GRIA1: variants seen among roughly 807,000 people sequenced by gnomAD.
The protein encoded by GRIA1 is glutamate ionotropic receptor AMPA type subunit 1.
GRIA1 carries 31 observed loss-of-function variants against 99.2 expected under a neutral mutation model. The observed-to-expected ratio is 0.31, with a 90% CI of 0.23 to 0.42. The LOEUF is 0.42. Among genes scored for constraint, GRIA1 ranks in the 10% least tolerant of loss-of-function variants. The probability of loss-of-function intolerance (pLI) is 1.00; values close to 1 mark genes in which losing one functional copy is unlikely to be tolerated. For missense variants in GRIA1, 782 were observed against 1,157.5 expected (o/e 0.68, Z 4.71); for synonymous variants, 438 against 432.4 (o/e 1.01, Z -0.16).
At chr5:153,660,363 G>A (rs1039273261) in intron 5 of GRIA1, among the ~76,000 whole-genome samples, 8 of 152,172 alleles carry the variant, frequency 5.3e-5, no homozygotes, top group Non-Finnish European at 8.8e-5. Flanking sequence ...AGCCCTTGAG[G>A]TTGATATTAT....
chr5:153,617,896 A>C (rs1359972876), intron 2 of GRIA1, among the ~76,000 whole-genome samples: 1 of 152,148 alleles, frequency 6.6e-6, no homozygotes, highest in African/African-American at 2.4e-5. Flanking sequence ...CTCCACCTTC[A>C]AAACTCACAT....
intron 2 of GRIA1, among the ~76,000 whole-genome samples, chr5:153,564,509 A>C (rs1025290684): frequency 9.2e-5 from 14 of 152,212 alleles, no homozygotes; most frequent in African/African-American, 3.1e-4. Flanking sequence ...CACATGGAGC[A>C]CAATGGAGAA....
At chr5:153,508,949 G>A (rs1581149012) in intron 2 of GRIA1, among the ~76,000 whole-genome samples, 1 of 152,270 alleles carries the variant, frequency 6.6e-6, no homozygotes, top group East Asian at 1.9e-4. Context: ...GCTACAAAAA[G>A]ACCTGCTCTC....
intron 12 of GRIA1, among the ~76,000 whole-genome samples, chr5:153,767,636 G>T (rs1763604119): frequency 6.6e-6 from 1 of 152,152 alleles, no homozygotes; most frequent in South Asian, 2.1e-4. Context: ...AAGGCAAAAG[G>T]AGGGAATAGT....
In GRIA1 at chr5:153,698,093, C is replaced by A; in HGVS notation, c.1184C>A (p.Ala395Asp). 2 of 1,611,756 alleles carry A rather than the reference C, an allele frequency of 1.2e-6. No homozygotes were observed. Among genetic ancestry groups the A allele is most frequent in the Non-Finnish European group, 8.5e-7 (1 of 1,177,882 alleles). ...AAGTTTGTCCCTGCAGCCACCGATG[C>A]CCAAGCTGGGGGCGATAATTCAAGT... is the stretch of plus-strand genomic sequence containing the variant. ...DDKFVPAATD[A>D]QAGGDNSSVQ... The change falls in exon 9 of 16, where the codon GCC becomes GAC. Residue 395 changes from alanine to aspartate, a missense_variant. Around this residue, in one of 5 missense-constraint regions of GRIA1, gnomAD observed 461 missense variants for 521.7 expected, o/e 0.88. Coordinates refer to ENST00000285900, the MANE Select transcript of GRIA1 (RefSeq NM_000827.4).
At chr5:153,596,588 A>G (rs1764452032) in intron 2 of GRIA1, among the ~76,000 whole-genome samples, 1 of 151,940 alleles carries the variant, frequency 6.6e-6, no homozygotes, top group African/African-American at 2.4e-5. Flanking sequence ...AGCACTCCTG[A>G]CTCCAAATCC....
At chr5:153,690,290 T>C (rs1757652087) in intron 8 of GRIA1, among the ~76,000 whole-genome samples, 1 of 151,176 alleles carries the variant, frequency 6.6e-6, no homozygotes, top group African/African-American at 2.4e-5. Flanking sequence ...ATTTATAATA[T>C]AATTTACAAA....
At position 153,684,916 on chromosome 5, in the gene GRIA1, C is replaced by A. The variant is rs578182954; in HGVS notation, c.1030-1309C>A. On this transcript the variant is annotated intron_variant, in intron 7 of 15. Coordinates refer to ENST00000285900, the MANE Select transcript of GRIA1 (RefSeq NM_000827.4). ...TGACCTCCTCACTGAGACTTCAAAC[C>A]AGAAGGTGACAAGAGGGTCAACCTC... Among the ~76,000 whole-genome samples the A allele has an allele frequency of 5.9e-5, 9 of 152,206 alleles. No homozygotes were observed. In the South Asian group the frequency reaches 1.5e-3, roughly 25 times the overall value.
At chr5:153,732,270 T>A (rs1182636139) in intron 11 of GRIA1, among the ~76,000 whole-genome samples, 1 of 151,954 alleles carries the variant, frequency 6.6e-6, no homozygotes, top group Non-Finnish European at 1.5e-5. Flanking sequence ...GTGTATTTAG[T>A]TTTATTTTTA....
At chr5:153,744,020 G>A (rs1348858182) in intron 11 of GRIA1, among the ~76,000 whole-genome samples, 1 of 152,108 alleles carries the variant, frequency 6.6e-6, no homozygotes, top group Non-Finnish European at 1.5e-5. Context: ...TTTGAGAACT[G>A]GGGAAGAACA....
chr5:153,632,252 G>C (rs1490757973), intron 2 of GRIA1, among the ~76,000 whole-genome samples: 1 of 152,180 alleles, frequency 6.6e-6, no homozygotes, highest in Non-Finnish European at 1.5e-5. Context: ...GGTGAGCAGT[G>C]GCAGAGCCCT....
chr5:153,521,773 T>C lies in GRIA1; in HGVS notation c.220+27708T>C, dbSNP rs1757166773. ...GCATATTTTAGGCTCTATGCACTGTTGTGTGTCTTGCTGCTCTCATTACAC... is the reference window on the plus strand; with the variant it reads ...GCATATTTTAGGCTCTATGCACTGTCGTGTGTCTTGCTGCTCTCATTACAC... On this transcript the variant is annotated intron_variant, in intron 2 of 15. Transcript: ENST00000285900. Among the ~76,000 whole-genome samples, 3 of 152,226 alleles carry C rather than the reference T, an allele frequency of 2.0e-5. No homozygotes were observed. In the South Asian group the frequency reaches 6.2e-4, roughly 32 times the overall value.
At chr5:153,702,843 G>A (rs996509215) in intron 10 of GRIA1, among the ~76,000 whole-genome samples, 2 of 152,162 alleles carry the variant, frequency 1.3e-5, no homozygotes, top group Admixed American at 1.3e-4. Flanking sequence ...CATGTATTTT[G>A]AATTATCTTG....
chr5:153,733,825 A>C (rs1299676199), intron 11 of GRIA1, among the ~76,000 whole-genome samples: 1 of 152,190 alleles, frequency 6.6e-6, no homozygotes, highest in Non-Finnish European at 1.5e-5. Context: ...AACTATAAAT[A>C]TATGTGAAGT....
intron 5 of GRIA1, among the ~76,000 whole-genome samples, chr5:153,672,067 C>T (rs4958349): frequency 0.088 from 13,398 of 152,176 alleles, 634 homozygotes; most frequent in Admixed American, 0.12. Flanking sequence ...GGAAGGGAGG[C>T]AGAGAAGGGA....
At chr5:153,665,663 T>C (rs1755691171) in intron 5 of GRIA1, among the ~76,000 whole-genome samples, 1 of 152,162 alleles carries the variant, frequency 6.6e-6, no homozygotes, top group South Asian at 2.1e-4. Context: ...ATCATAGAAT[T>C]GTAGATCAAA....
chr5:153,581,189 G>C (rs761688965), intron 2 of GRIA1, among the ~76,000 whole-genome samples: 1 of 152,194 alleles, frequency 6.6e-6, no homozygotes, highest in Non-Finnish European at 1.5e-5. Flanking sequence ...GACAGCAATG[G>C]TGAAAGGACT....
At chr5:153,536,286 T>C (rs1291568050) in intron 2 of GRIA1, among the ~76,000 whole-genome samples, 1 of 152,170 alleles carries the variant, frequency 6.6e-6, no homozygotes, top group Non-Finnish European at 1.5e-5. Flanking sequence ...TCTCAAGACT[T>C]TTAATCGTCC....
intron 11 of GRIA1, among the ~76,000 whole-genome samples, chr5:153,738,443 G>T (rs1385253739): frequency 6.6e-6 from 1 of 152,038 alleles, no homozygotes; most frequent in Non-Finnish European, 1.5e-5. Context: ...ATAAAATAGC[G>T]CTAAATATGA....
Sources: gnomAD v4.1 joint callset for allele counts (sites outside exome capture counted in the v4.1 genomes callset) on GRCh38, gnomAD v4.1.1 for gene constraint, gnomAD v4.1.1 regional missense constraint, MANE v1.5 for transcripts, NCBI Gene and HGNC (gene_info 2026-07-23, HGNC 2026-07-21) for gene names.